TG: variants seen among roughly 807,000 people sequenced by gnomAD.
TG encodes the protein thyroid hormones.
Under a neutral mutation model 324.7 loss-of-function variants are expected in TG, and 270 were observed. The ratio of observed to expected loss-of-function variants is 0.83; its 90% CI spans 0.75 to 0.92. The LOEUF (loss-of-function observed/expected upper bound fraction) is 0.92, where lower values mean the gene tolerates loss of function less well. Among genes scored for constraint, TG ranks in the 40% least tolerant of loss-of-function variants. The pLI, the probability that TG is intolerant of heterozygous loss-of-function variation, is 0.00. For missense variants in TG, 3,591 were observed against 3,456.4 expected (o/e 1.04, Z -0.98); for synonymous variants, 1,401 against 1,327.0 (o/e 1.06, Z -1.21).
intron 35 of TG, among the ~76,000 whole-genome samples, chr8:133,005,164 A>G (rs928930748): frequency 2.0e-5 from 3 of 152,192 alleles, no homozygotes; most frequent in Non-Finnish European, 4.4e-5. Flanking sequence ...GCTGCAATTC[A>G]GCAGCAAGTT....
intron 22 of TG, among the ~76,000 whole-genome samples, chr8:132,928,522 T>G (rs1216011820): frequency 6.6e-6 from 1 of 152,230 alleles, no homozygotes; most frequent in Admixed American, 6.5e-5. Flanking sequence ...AGCTTGTGAC[T>G]GTTATTCCTA....
chr8:132,921,285 A>G (rs1821076107), intron 21 of TG, among the ~76,000 whole-genome samples: 1 of 152,168 alleles, frequency 6.6e-6, no homozygotes, highest in Non-Finnish European at 1.5e-5. Flanking sequence ...AACAATAAGC[A>G]TTTATTCCCC....
intron 35 of TG, chr8:133,001,649 G>A (rs1015479946): frequency 7.4e-5 from 47 of 637,892 alleles, no homozygotes; most frequent in Non-Finnish European, 7.8e-5. Context: ...ATGTCTCAAT[G>A]CAATGTTGTC....
At chr8:133,055,346 GACAC>G (rs150473065) in intron 41 of TG, among the ~76,000 whole-genome samples, 19,725 of 144,502 alleles carry the variant, frequency 0.14, 1,536 homozygotes, top group Admixed American at 0.18. Context: ...TCATCTTCAG[GACAC>G]ACACACGCAC....
intron 47 of TG, 144 bp from the exon 48 acceptor site, chr8:133,134,532 C>A: frequency 1.3e-6 from 1 of 772,210 alleles, no homozygotes; most frequent in Non-Finnish European, 2.3e-6. Context: ...CATCTGGCAC[C>A]TCAGCCAGTG....
chr8:133,095,078 G>T lies in TG; in HGVS notation c.7274G>T (p.Ser2425Ile). 2 of 1,614,172 alleles carry T rather than the reference G, an allele frequency of 1.2e-6. No individual in the cohort carries two copies. The highest frequency in any genetic ancestry group is 1.7e-6 in the Non-Finnish European group (2 of 1,180,052). ...GSALSPAAVI[S>I]HERAQQQAIA... ...GCACTCTCCCCGGCCGCCGTCATCA[G>T]CCATGAGAGGGCTCAGCAGCAGGCA... The change falls in exon 42 of 48, where the codon AGC becomes ATC. Residue 2425 changes from serine (S) to isoleucine (I), a missense_variant. Physicochemically the swap from Ser to Ile is moderately radical, Grantham distance 142. Transcript: ENST00000220616.
intron 35 of TG, among the ~76,000 whole-genome samples, chr8:132,985,770 G>A (rs1179761737): frequency 2.0e-5 from 3 of 152,116 alleles, no homozygotes; most frequent in Admixed American, 6.5e-5. Flanking sequence ...AGGCACTGGG[G>A]CACTGCTTGT....
At chr8:132,883,134 T>C in intron 8 of TG, 135 bp downstream of exon 8, 1 of 885,384 alleles carries the variant, frequency 1.1e-6, no homozygotes, top group Non-Finnish European at 1.7e-6. Flanking sequence ...GCTCAACCTG[T>C]CTGAGAACCA....
intron 43 of TG, among the ~76,000 whole-genome samples, chr8:133,112,563 A>G (rs1017577020): frequency 2.7e-5 from 4 of 150,446 alleles, no homozygotes; most frequent in Non-Finnish European, 5.9e-5. Context: ...AAGGAGAGAG[A>G]AGGGGAGAGA....
chr8:132,984,193 T>C (rs1831246173), intron 35 of TG, among the ~76,000 whole-genome samples: 1 of 152,214 alleles, frequency 6.6e-6, no homozygotes, highest in Admixed American at 6.5e-5. Context: ...ACATGATGTC[T>C]AAGGGGCCCT....
chr8:133,075,273 T>C (rs1844683603), intron 41 of TG: 3 of 305,084 alleles, frequency 9.8e-6, no homozygotes, highest in Admixed American at 1.3e-4. Flanking sequence ...TTTGCTCTTG[T>C]ACATCCCCAG....
chr8:133,052,931 A>T (rs1264977241), intron 41 of TG, among the ~76,000 whole-genome samples: 1 of 152,082 alleles, frequency 6.6e-6, no homozygotes, highest in Non-Finnish European at 1.5e-5. Flanking sequence ...GAGGTTGAAA[A>T]ACACCTTCAA....
chr8:133,100,407 T>C (rs1849061333), intron 43 of TG, among the ~76,000 whole-genome samples: 1 of 152,226 alleles, frequency 6.6e-6, no homozygotes, highest in South Asian at 2.1e-4. Context: ...TTGAAACTGC[T>C]ATATCTCTGG....
chr8:133,086,781 C>T (rs1846634753), intron 41 of TG, among the ~76,000 whole-genome samples: 1 of 152,134 alleles, frequency 6.6e-6, no homozygotes, highest in Admixed American at 6.5e-5. Context: ...GGGAAGCTCT[C>T]AATATTGTTA....
chr8:132,872,945 C>A, intron 4 of TG, 117 bp from the exon 5 acceptor site: 2 of 1,131,740 alleles, frequency 1.8e-6, no homozygotes, highest in Non-Finnish European at 1.3e-6. Context: ...AACCGCCGAA[C>A]GATGCATTTC....
chr8:133,085,136 G>A (rs1355670397), intron 41 of TG, among the ~76,000 whole-genome samples: 1 of 152,178 alleles, frequency 6.6e-6, no homozygotes, highest in Non-Finnish European at 1.5e-5. Context: ...GACACAGCTG[G>A]TGAGTGATTT....
chr8:133,060,100 C>T (rs1472434210), intron 41 of TG: 4 of 1,594,252 alleles, frequency 2.5e-6, no homozygotes, highest in South Asian at 1.1e-5. Context: ...CCAGACTTAC[C>T]CTCCGGGTTG....
At chr8:132,929,518 G>A (rs1822382445) in intron 23 of TG, among the ~76,000 whole-genome samples, 1 of 152,162 alleles carries the variant, frequency 6.6e-6, no homozygotes, top group African/African-American at 2.4e-5. Flanking sequence ...TGGTAATAAA[G>A]GCTGCCATTT....
chr8:132,879,804 C>A (rs1484735862), intron 5 of TG, among the ~76,000 whole-genome samples: 1 of 152,130 alleles, frequency 6.6e-6, no homozygotes, highest in African/African-American at 2.4e-5. Context: ...AGGTACTGGG[C>A]AGTTTATAAG....
Sources: allele counts gnomAD v4.1 joint callset (sites outside exome capture counted in the v4.1 genomes callset), GRCh38; gene constraint gnomAD v4.1.1; transcripts MANE v1.5; gene names NCBI Gene and HGNC (gene_info 2026-07-23, HGNC 2026-07-21).